Variants in ANKRD28 observed in about 807,000 individuals in gnomAD.
ANKRD28 encodes serine/threonine-protein phosphatase 6 regulatory ankyrin repeat subunit A.
A neutral mutation model predicts 126.5 loss-of-function variants in ANKRD28; 44 were observed. The observed-to-expected ratio is 0.35, with a 90% CI of 0.27 to 0.45. The LOEUF is 0.45. Among genes scored for constraint, ANKRD28 ranks in the 20% least tolerant of loss-of-function variants. The pLI, the probability that ANKRD28 is intolerant of heterozygous loss-of-function variation, is 1.00. For missense variants in ANKRD28, 1,110 were observed against 1,316.6 expected (o/e 0.84, Z 2.43); for synonymous variants, 442 against 468.5 (o/e 0.94, Z 0.73).
intron 1 of ANKRD28, among the ~76,000 whole-genome samples, chr3:15,825,187 C>A (rs748633209): frequency 5.3e-5 from 8 of 152,110 alleles, no homozygotes; most frequent in Non-Finnish European, 7.3e-5. Context: ...ATGAGGCTCA[C>A]GCATGCAAGA....
chr3:15,691,687 C>A (rs984863451), intron 17 of ANKRD28, among the ~76,000 whole-genome samples: 1 of 152,166 alleles, frequency 6.6e-6, no homozygotes, highest in Non-Finnish European at 1.5e-5. Flanking sequence ...GCTTGACTAT[C>A]TCAAAGATTA....
At position 15,784,751 on chromosome 3, in the gene ANKRD28, T is replaced by C. The variant is rs537971881; in HGVS notation, c.201+10472A>G. On this transcript the variant is annotated intron_variant, in intron 2 of 27. Coordinates refer to ENST00000683139, the MANE Select transcript of ANKRD28 (RefSeq NM_001349278.2). ...TCAAAAAACAATATCCAAGTATATA[T>C]TGTCTGTAAAAAACCTTTTAAAATA... Among the ~76,000 whole-genome samples the C allele has an allele frequency of 2.1e-4, 32 of 152,152 alleles. No homozygotes were observed. In the East Asian group the frequency reaches 2.7e-3, roughly 13 times the overall value.
chr3:15,797,216 A>C lies in ANKRD28; in HGVS notation c.-695T>G, dbSNP rs1449121760. ...AGGGGCAAAAAACAAAAACAAAAAA[A>C]AAAAAACCACTCTGCATTAATAGCA... On this transcript the variant is annotated 5_prime_UTR_variant, in exon 1 of 28. Transcript: ENST00000683139. 2 of 985,052 alleles carry C rather than the reference A, an allele frequency of 2.0e-6. No homozygotes were observed. Among genetic ancestry groups the C allele is most frequent in the South Asian group, 4.7e-5 (1 of 21,284 alleles). The allele number at this position is 985,052 out of a possible 1,614,324, so 61.0% of individuals were successfully genotyped here. A position where few individuals can be genotyped will look rare whatever the true frequency, so the allele number is the denominator to read the frequency against.
intron 1 of ANKRD28, among the ~76,000 whole-genome samples, chr3:15,836,867 A>C (rs1206936465): frequency 6.1e-5 from 3 of 49,204 alleles, no homozygotes; most frequent in African/African-American, 1.0e-4. Flanking sequence ...GGCAGATCAC[A>C]AGGTCAGGAG....
intron 7 of ANKRD28, 150 bp downstream of exon 7, chr3:15,724,232 C>T: frequency 1.5e-6 from 1 of 647,686 alleles, no homozygotes; most frequent in Non-Finnish European, 2.5e-6. Context: ...AATCAGTGCA[C>T]TAGATATTAT....
rs763746064 is a variant in ANKRD28, at chr3:15,737,054, T to G, written c.531A>C (p.Ala177=). Residue 177 remains alanine, a synonymous_variant, in exon 5 of 28, where the codon GCA becomes GCC. Coordinates refer to ENST00000683139, the MANE Select transcript of ANKRD28 (RefSeq NM_001349278.2). The part of the protein sequence containing the change: ...DRAGRTALHH[A]AFSGHGEMVK... The stretch of plus-strand genomic sequence containing the variant: ...CTACCTCACCATGTCCACTGAAAGC[T>G]GCATGATGTAATGCAGTCCTCCCTG... The G allele has an allele frequency of 6.2e-7, 1 of 1,614,016 alleles. No homozygotes were observed. The highest frequency in any genetic ancestry group is 1.3e-5 in the African/African-American group (1 of 75,058).
At chr3:15,671,653 G>A (rs1472265540) in intron 27 of ANKRD28, among the ~76,000 whole-genome samples, 1 of 146,324 alleles carries the variant, frequency 6.8e-6, no homozygotes, top group Non-Finnish European at 1.5e-5. Context: ...GTGCAAACTT[G>A]GCTCACTGCA....
chr3:15,718,773 C>T (rs555501188), intron 8 of ANKRD28, among the ~76,000 whole-genome samples: 6 of 152,288 alleles, frequency 3.9e-5, no homozygotes, highest in South Asian at 2.1e-4. Flanking sequence ...CATTCACTAT[C>T]GTAAACAGGT....
intron 1 of ANKRD28, among the ~76,000 whole-genome samples, chr3:15,848,268 ACT>A (rs1448581264): frequency 6.6e-6 from 1 of 152,038 alleles, no homozygotes; most frequent in Non-Finnish European, 1.5e-5. Flanking sequence ...GAATGAAGAA[ACT>A]CTGACAATAA....
chr3:15,831,325 G>A (rs1327815838), intron 1 of ANKRD28, among the ~76,000 whole-genome samples: 1 of 152,152 alleles, frequency 6.6e-6, no homozygotes, highest in Non-Finnish European at 1.5e-5. Flanking sequence ...AAACTATTGT[G>A]CATATGTGCA....
At chr3:15,834,750 C>T (rs953614561) in intron 1 of ANKRD28, among the ~76,000 whole-genome samples, 1 of 152,030 alleles carries the variant, frequency 6.6e-6, no homozygotes, top group African/African-American at 2.4e-5. Context: ...AAAAACAAAG[C>T]TATTTATACA....
At chr3:15,786,073 A>G (rs2059766244) in intron 2 of ANKRD28, among the ~76,000 whole-genome samples, 1 of 152,056 alleles carries the variant, frequency 6.6e-6, no homozygotes, top group South Asian at 2.1e-4. Flanking sequence ...CGGCAGTGAA[A>G]CTACTCTGTA....
intron 14 of ANKRD28, among the ~76,000 whole-genome samples, chr3:15,701,337 C>T (rs1405510632): frequency 6.6e-6 from 1 of 152,034 alleles, no homozygotes; most frequent in Non-Finnish European, 1.5e-5. Context: ...TCTTTGGAGT[C>T]AAGCATAATA....
intron 14 of ANKRD28, among the ~76,000 whole-genome samples, chr3:15,699,457 T>C (rs1052115511): frequency 2.0e-5 from 3 of 151,918 alleles, no homozygotes; most frequent in Non-Finnish European, 4.4e-5. Context: ...GAACAGGCAA[T>C]CTACAGAATG....
intron 21 of ANKRD28, chr3:15,683,615 T>C (rs2067776015): frequency 6.6e-6 from 1 of 152,202 alleles, no homozygotes; most frequent in South Asian, 2.1e-4. Flanking sequence ...AGTACTCAGC[T>C]GAAGGATAAC....
chr3:15,850,641 C>G (rs550212692), intron 1 of ANKRD28, among the ~76,000 whole-genome samples: 2 of 152,176 alleles, frequency 1.3e-5, no homozygotes, highest in African/African-American at 4.8e-5. Context: ...GCTGAACACA[C>G]GGAGATTCCT....
intron 2 of ANKRD28, among the ~76,000 whole-genome samples, chr3:15,773,043 A>G (rs549805834): frequency 6.6e-6 from 1 of 152,224 alleles, no homozygotes; most frequent in South Asian, 2.1e-4. Context: ...AAAATAAGGA[A>G]AAGCAAAAAA....
chr3:15,707,972 C>G lies in ANKRD28; in HGVS notation c.1499G>C (p.Arg500Thr), dbSNP rs760380774. Residue 500 changes from arginine to threonine, a missense_variant, in exon 14 of 28, where the codon AGA becomes ACA. Arg to Thr is a moderately conservative substitution (Grantham distance 71). Coordinates refer to ENST00000683139, the MANE Select transcript of ANKRD28 (RefSeq NM_001349278.2). ...TGCATAGTGCAGGGGTGTGCAGCCT[C>G]TTTCATCAAGGTCATTCACACTTGC... ...SGASVNDLDE[R>T]GCTPLHYAAT... 27 of 1,612,888 alleles carry G rather than the reference C, an allele frequency of 1.7e-5. 1 individual carries two copies. The South Asian group carries it at 3.0e-4, about 18-fold the overall frequency.
At chr3:15,721,229 G>A (rs2073689996) in intron 7 of ANKRD28, 102 bp from the exon 8 acceptor site, 2 of 919,720 alleles carry the variant, frequency 2.2e-6, no homozygotes, top group Non-Finnish European at 3.4e-6. Flanking sequence ...TTACTAAAGT[G>A]AGAAACGGAG....
Sources: allele counts gnomAD v4.1 joint callset (sites outside exome capture counted in the v4.1 genomes callset), GRCh38; gene constraint gnomAD v4.1.1; transcripts MANE v1.5; gene names NCBI Gene and HGNC (gene_info 2026-07-23, HGNC 2026-07-21).